The following ABLIM1 variants were observed in gnomAD, a reference collection of about 807,000 sequenced individuals.
The protein encoded by ABLIM1 is actin binding LIM protein 1, also known as actin-binding LIM protein 1.
Under a neutral mutation model 107.0 loss-of-function variants are expected in ABLIM1, and 40 were observed. The observed-to-expected ratio is 0.37, with a 90% CI of 0.29 to 0.49. The LOEUF is 0.49. Ranked by LOEUF, ABLIM1 falls within the 20% of genes least tolerant of loss-of-function variation. The pLI is 0.97. For synonymous variants in ABLIM1, 357 were observed against 357.3 expected, an observed-to-expected ratio of 1.00 and a Z score of 0.01; for missense variants, 857 against 1,008.5, an observed-to-expected ratio of 0.85 and a Z score of 2.04.
intron 1 of ABLIM1, among the ~76,000 whole-genome samples, chr10:114,627,898 G>A (rs549517302): frequency 1.3e-5 from 2 of 152,292 alleles, no homozygotes; most frequent in East Asian, 1.9e-4. Flanking sequence ...CGAGGCGGGT[G>A]GATCACCTGA....
intron 8 of ABLIM1, among the ~76,000 whole-genome samples, chr10:114,479,339 G>A (rs536028735): frequency 1.2e-4 from 19 of 152,298 alleles, no homozygotes; most frequent in Admixed American, 1.0e-3. Context: ...GAGCTACACA[G>A]AACTGGGCTT....
At chr10:114,716,423 A>ACT (rs1387109942) in intron 1 of ABLIM1, among the ~76,000 whole-genome samples, 1 of 151,580 alleles carries the variant, frequency 6.6e-6, no homozygotes, top group Admixed American at 6.6e-5. Context: ...ACACACACAC[A>ACT]CACACACACA....
At chr10:114,798,560 C>CCCA in the ABLIM1 span, among the ~76,000 whole-genome samples, 2 of 138,474 alleles carry the variant, frequency 1.4e-5, no homozygotes, top group Non-Finnish European at 3.0e-5. Flanking sequence ...GATGAGACCC[C>CCCA]CCCCCCATGT....
chr10:114,542,835 C>T (rs931702026), intron 6 of ABLIM1, among the ~76,000 whole-genome samples: 14 of 152,194 alleles, frequency 9.2e-5, no homozygotes, highest in Non-Finnish European at 1.6e-4. Context: ...ACTCTGAGCG[C>T]TGTGATGGGA....
chr10:114,718,088 A>AGGAAGGAC lies in ABLIM1; in HGVS notation c.-213+49972_-213+49973insGTCCTTCC, dbSNP rs1398681094. On this transcript the variant is annotated intron_variant, in intron 1 of 15. Transcript: ENST00000651092. ...AAGGAAGAAAGGAAGGAAGGAAGGA[A>AGGAAGGAC]GGAAGGAAAAGAAAAAGAAAAAGAA... Among the ~76,000 whole-genome samples the AGGAAGGAC allele has an allele frequency of 8.4e-5, 8 of 95,350 alleles. 1 individual carries two copies. The highest frequency in any genetic ancestry group is 2.4e-4 in the African/African-American group (8 of 33,414). 62.6% of individuals were successfully genotyped at this position (95,350 alleles called of 152,430 possible). A position where few individuals can be genotyped will look rare whatever the true frequency, so the allele number is the denominator to read the frequency against.
chr10:114,632,129 C>T (rs1361858147), intron 1 of ABLIM1: 1 of 985,268 alleles, frequency 1.0e-6, no homozygotes, highest in East Asian at 1.1e-4. Context: ...CCCCCGCGCT[C>T]TTCTCCGCCC....
chr10:114,442,720 T>A (rs908828411), intron 17 of ABLIM1, among the ~76,000 whole-genome samples: 4 of 152,242 alleles, frequency 2.6e-5, no homozygotes, highest in African/African-American at 7.2e-5. Flanking sequence ...ACCAGCCTCC[T>A]GATTTCTAAA....
intron 1 of ABLIM1, among the ~76,000 whole-genome samples, chr10:114,749,049 C>T (rs920085080): frequency 5.9e-5 from 9 of 152,132 alleles, no homozygotes; most frequent in African/African-American, 1.7e-4. Flanking sequence ...GCTCAAATAA[C>T]GTGCTAGAAT....
At chr10:114,746,062 A>G (rs1430159409) in intron 1 of ABLIM1, among the ~76,000 whole-genome samples, 1 of 152,206 alleles carries the variant, frequency 6.6e-6, no homozygotes, top group Non-Finnish European at 1.5e-5. Context: ...GATTAAATTA[A>G]GCTATTAACA....
chr10:114,535,564 C>A (rs4568918), intron 6 of ABLIM1, among the ~76,000 whole-genome samples: 33,862 of 152,144 alleles, frequency 0.22, 4,401 homozygotes, highest in East Asian at 0.33. Flanking sequence ...CCCACCTCGG[C>A]CTCCCAAAGT....
intron 1 of ABLIM1, among the ~76,000 whole-genome samples, chr10:114,644,322 T>C (rs1478130281): frequency 4.5e-4 from 53 of 118,988 alleles, no homozygotes; most frequent in African/African-American, 1.9e-3. Context: ...TATATATATA[T>C]ATATATATGT....
intron 6 of ABLIM1, chr10:114,502,191 C>T (rs1329211025): frequency 5.8e-6 from 1 of 173,704 alleles, no homozygotes; most frequent in East Asian, 1.4e-4. Flanking sequence ...ATCATCCTCT[C>T]ATTAGTCTCT....
the ABLIM1 span, among the ~76,000 whole-genome samples, chr10:114,798,169 CCAG>C: frequency 3.4e-4 from 52 of 152,038 alleles, no homozygotes; most frequent in Admixed American, 3.4e-3. Context: ...GCCTGTAATC[CCAG>C]CACTTTGGGA....
At chr10:114,506,638 G>T (rs761546297) in intron 6 of ABLIM1, among the ~76,000 whole-genome samples, 10 of 152,050 alleles carry the variant, frequency 6.6e-5, no homozygotes, top group Non-Finnish European at 7.4e-5. Context: ...TCATATATTT[G>T]TTGGCTGCAA....
At chr10:114,713,370 C>G (rs1010054030) in intron 1 of ABLIM1, among the ~76,000 whole-genome samples, 2 of 152,152 alleles carry the variant, frequency 1.3e-5, no homozygotes, top group African/African-American at 4.8e-5. Flanking sequence ...CCCTAAGAGA[C>G]AGTGGAGCTG....
intron 1 of ABLIM1, among the ~76,000 whole-genome samples, chr10:114,646,428 C>T (rs1202122021): frequency 6.6e-6 from 1 of 152,182 alleles, no homozygotes; most frequent in Non-Finnish European, 1.5e-5. Flanking sequence ...ATTTACTGAG[C>T]ATCTGCAATA....
At chr10:114,541,299 TTGCTTTAAGCCACCAC>T (rs2066627477) in intron 6 of ABLIM1, among the ~76,000 whole-genome samples, 1 of 152,154 alleles carries the variant, frequency 6.6e-6, no homozygotes. Flanking sequence ...TTTAAGCTTG[TTGCTTTAAGCCACCAC>T]TGCTACAGCT....
chr10:114,587,349 GTGGTAACAGACTCTA>G (rs2074303821), intron 2 of ABLIM1, among the ~76,000 whole-genome samples: 1 of 152,180 alleles, frequency 6.6e-6, no homozygotes, highest in African/African-American at 2.4e-5. Flanking sequence ...ACACTGCTAA[GTGGTAACAGACTCTA>G]TCAAAATATC....
chr10:114,514,690 T>G (rs1458566693), intron 6 of ABLIM1, among the ~76,000 whole-genome samples: 1 of 152,188 alleles, frequency 6.6e-6, no homozygotes, highest in Non-Finnish European at 1.5e-5. Flanking sequence ...AATTAATTTT[T>G]ATAGTTGAAA....
Sources: gnomAD v4.1 joint callset for allele counts (sites outside exome capture counted in the v4.1 genomes callset) on GRCh38, gnomAD v4.1.1 for gene constraint, MANE v1.5 for transcripts, NCBI Gene and HGNC (gene_info 2026-07-23, HGNC 2026-07-21) for gene names.